Variants in CHFR observed in about 807,000 individuals in gnomAD.
CHFR encodes the protein checkpoint with forkhead and ring finger domains.
A neutral mutation model predicts 87.6 loss-of-function variants in CHFR; 57 were observed. The observed-to-expected ratio is 0.65, with a 90% CI of 0.53 to 0.81. The LOEUF (loss-of-function observed/expected upper bound fraction) is 0.81. Ranked by LOEUF, CHFR falls within the 30% of genes least tolerant of loss-of-function variation. The pLI, the probability that CHFR is intolerant of heterozygous loss-of-function variation, is 0.00. For missense variants in CHFR, 797 were observed against 865.8 expected (o/e 0.92, Z 1.00); for synonymous variants, 381 against 359.2 (o/e 1.06, Z -0.69).
At chr12:132,849,599 C>CT (rs35855109) in intron 12 of CHFR, 30,018 of 142,606 alleles carry the variant, frequency 0.21, 3,299 homozygotes, top group African/African-American at 0.27. Context: ...ATTCAGGTGG[C>CT]TTTTTTTTTT....
intron 14 of CHFR, 37 bp from the exon 15 acceptor site, chr12:132,847,167 G>C (rs144888932): frequency 1.2e-6 from 2 of 1,610,314 alleles, no homozygotes; most frequent in Admixed American, 3.3e-5. Flanking sequence ...AGAAATACTC[G>C]TTTAGAGGAA....
At chr12:132,843,768 G>C (rs918369079) in intron 16 of CHFR, among the ~76,000 whole-genome samples, 24 of 152,112 alleles carry the variant, frequency 1.6e-4, no homozygotes, top group African/African-American at 5.8e-4. Flanking sequence ...GGCCAACATG[G>C]TGAAACCCCG....
Position 132,848,150 on chromosome 12 carries a change from T to G in CHFR, c.1582A>C (p.Asn528His). 6.2e-7 allele frequency: 1 copy of G among 1,614,154 alleles called. No homozygotes were observed. The highest frequency in any genetic ancestry group is 8.5e-7 in the Non-Finnish European group (1 of 1,180,020). ...YGCLAPFCEL[N>H]LGDKCLDGVL... is the part of the protein sequence containing the mutation. ...CCGTCCAGACACTTGTCACCCAGGT[T>G]GAGCTCTGCCGAGATGAAGGGGCAA... The change falls in exon 14 of 18, where the codon AAC becomes CAC. Residue 528 changes from asparagine to histidine, a missense_variant. Coordinates refer to ENST00000450056, the MANE Select transcript of CHFR (RefSeq NM_001161346.2).
chr12:132,887,001 A>C (rs140306643), intron 2 of CHFR, among the ~76,000 whole-genome samples, 195 bp downstream of exon 2: 1 of 152,384 alleles, frequency 6.6e-6, no homozygotes, highest in Non-Finnish European at 1.5e-5. Context: ...ATACAGTTGT[A>C]ACGAAGGCTA....
intron 8 of CHFR, 74 bp downstream of exon 8, chr12:132,858,994 C>T (rs1422423058): frequency 2.1e-6 from 3 of 1,442,694 alleles, no homozygotes; most frequent in Non-Finnish European, 1.9e-6. Context: ...TTGTCTCATG[C>T]CCAGCCCTGC....
At chr12:132,876,316 AAT>A (rs1951631272) in intron 3 of CHFR, among the ~76,000 whole-genome samples, 2 of 152,236 alleles carry the variant, frequency 1.3e-5, no homozygotes, top group Admixed American at 1.3e-4. Flanking sequence ...TTCCAAGTTG[AAT>A]ATCCCTAAGC....
chr12:132,845,166 A>G (rs992924050), intron 15 of CHFR, among the ~76,000 whole-genome samples: 7 of 152,052 alleles, frequency 4.6e-5, no homozygotes, highest in African/African-American at 1.4e-4. Context: ...TTAATTAACA[A>G]AGATATCGGC....
chr12:132,848,653 C>T lies in CHFR; in HGVS notation c.1564G>A (p.Ala522Thr). The change falls in exon 13 of 18, where the codon GCC becomes ACC. Residue 522 changes from alanine (A) to threonine (T), a missense_variant. Ala to Thr is a moderately conservative substitution (Grantham distance 58). Around this residue, in one of 2 missense-constraint regions of CHFR, gnomAD observed 200 missense variants for 264.6 expected, o/e 0.76. Transcript: ENST00000450056. ...GAGCCAGTATTACCACAAAACGGGG[C>T]CAGGCAGCCGTAGCAGCCGGTCCGG... ...CTRTGCYGCL[A>T]PFCELNLGDK... The T allele has an allele frequency of 1.3e-6, 2 of 1,592,576 alleles. No homozygotes were observed. The highest frequency in any genetic ancestry group is 1.7e-6 in the Non-Finnish European group (2 of 1,169,952).
rs1195145439 is a variant in CHFR at position 132,837,371 on chromosome 12, T to C, written c.*4183A>G. 1.9e-5 allele frequency: 3 copies of C among 157,794 alleles called. No individual in the cohort carries two copies. The highest frequency in any genetic ancestry group is 4.2e-5 in the Non-Finnish European group (3 of 71,416). 9.8% of individuals were successfully genotyped at this position (157,794 alleles called of 1,614,324 possible). A position where few individuals can be genotyped will look rare whatever the true frequency, so the allele number is the denominator to read the frequency against. ...ACAAAAGCAAAATTAAAAACCACCC[T>C]GATTTGAAGCATTTACCAATTTCCA... On this transcript the variant is annotated 3_prime_UTR_variant, in exon 18 of 18. Coordinates refer to ENST00000450056, the MANE Select transcript of CHFR (RefSeq NM_001161346.2).
At chr12:132,856,414 T>C (rs761548741) in intron 10 of CHFR, 54 bp downstream of exon 10, 110 of 1,589,796 alleles carry the variant, frequency 6.9e-5, no homozygotes, top group Non-Finnish European at 8.4e-5. Flanking sequence ...TCGGTCACGG[T>C]TGTGATGCTC....
Position 132,838,760 on chromosome 12 carries a change from G to A in CHFR, c.*2794C>T, listed in dbSNP as rs1021977739. 3 of 152,238 alleles carry A rather than the reference G, an allele frequency of 2.0e-5. No individual in the cohort carries two copies. The highest frequency in any genetic ancestry group is 4.8e-5 in the African/African-American group (2 of 41,422). The allele number at this position is 152,238 out of a possible 1,614,324, so 9.4% of individuals were successfully genotyped here. ...TCAGTTTTGCTGGGTGGGATGGCTG[G>A]GTCTTGAGGACGAGGAAGTACAGAA... is the stretch of plus-strand genomic sequence containing the variant. On this transcript the variant is annotated 3_prime_UTR_variant, in exon 18 of 18. Transcript: ENST00000450056.
chr12:132,841,399 AG>A lies in CHFR; in HGVS notation c.*154del. 1.5e-6 allele frequency: 1 copy of A among 679,580 alleles called. No individual in the cohort carries two copies. The highest frequency in any genetic ancestry group is 2.6e-5 in the East Asian group (1 of 39,100). 42.1% of individuals were successfully genotyped at this position (679,580 alleles called of 1,614,324 possible). On this transcript the variant is annotated 3_prime_UTR_variant, in exon 18 of 18. Coordinates refer to ENST00000450056, the MANE Select transcript of CHFR (RefSeq NM_001161346.2). ...GGGGAGGGTCTCACTCAGAGGGTAAAGCTCCACAGAAGAGTCACCCCAGAGC... is the reference window on the plus strand; with the variant it reads ...GGGGAGGGTCTCACTCAGAGGGTAAACTCCACAGAAGAGTCACCCCAGAGC...
chr12:132,885,907 CTT>C lies in CHFR; in HGVS notation c.133+1287_133+1288del, dbSNP rs545421960. On this transcript the variant is annotated intron_variant, in intron 2 of 17. Transcript: ENST00000450056. ...AGGGAAAAATCTTCAAATACTTCCTCTTGTCTTAAAGGGATAATTTTGATATG... is the reference window on the plus strand; with the variant it reads ...AGGGAAAAATCTTCAAATACTTCCTCGTCTTAAAGGGATAATTTTGATATG... 2.1e-3 allele frequency among the ~76,000 whole-genome samples: 324 copies of C among 152,276 alleles called. 3 individuals carry two copies. The highest frequency in any genetic ancestry group is 7.5e-3 in the African/African-American group (311 of 41,538).
intron 2 of CHFR, among the ~76,000 whole-genome samples, chr12:132,882,454 C>T (rs1951791358): frequency 6.6e-6 from 1 of 152,072 alleles, no homozygotes; most frequent in Admixed American, 6.6e-5. Flanking sequence ...GGAACTGAAC[C>T]CCAAAAAAGG....
intron 6 of CHFR, chr12:132,866,180 A>C (rs1289972849): frequency 6.6e-6 from 1 of 152,090 alleles, no homozygotes; most frequent in South Asian, 2.1e-4. Context: ...ACTACATAGC[A>C]CTCACTCTCC....
Position 132,848,219 on chromosome 12 carries a change from C to A in CHFR, c.1577-64G>T, listed in dbSNP as rs772849776. On this transcript the variant is annotated intron_variant, in intron 13 of 17. Transcript: ENST00000450056. Reference sequence around the variant, plus strand: ...ATGTCGCAGGAAAGCACTGTCTGCCCGACACTGAGGATAAACATATTTCTT... The same window carrying A: ...ATGTCGCAGGAAAGCACTGTCTGCCAGACACTGAGGATAAACATATTTCTT... 1.2e-6 allele frequency: 2 copies of A among 1,611,516 alleles called. No homozygotes were observed. The highest frequency in any genetic ancestry group is 1.7e-6 in the Non-Finnish European group (2 of 1,178,782).
chr12:132,872,730 CCT>C (rs1484060118), intron 3 of CHFR, among the ~76,000 whole-genome samples: 4 of 152,218 alleles, frequency 2.6e-5, no homozygotes, highest in African/African-American at 7.2e-5. Flanking sequence ...TCCAGCCTCC[CCT>C]GAGCTGGACT....
At chr12:132,886,981 CAACT>C (rs1200181956) in intron 2 of CHFR, among the ~76,000 whole-genome samples, 3 of 152,234 alleles carry the variant, frequency 2.0e-5, no homozygotes, top group South Asian at 2.1e-4. Context: ...TATATGAACA[CAACT>C]AACTTATACA....
At chr12:132,881,867 C>CA (rs57027326) in intron 2 of CHFR, among the ~76,000 whole-genome samples, 24 of 98,122 alleles carry the variant, frequency 2.4e-4, no homozygotes, top group African/African-American at 6.2e-4. Context: ...GACGCTGTCT[C>CA]AAAAAAAAAA....
Sources: allele counts gnomAD v4.1 joint callset (sites outside exome capture counted in the v4.1 genomes callset), GRCh38; gene constraint gnomAD v4.1.1; regional missense constraint gnomAD v4.1.1; transcripts MANE v1.5; gene names NCBI Gene and HGNC (gene_info 2026-07-23, HGNC 2026-07-21).